Variants in NBAS observed in about 807,000 individuals in gnomAD.
NBAS encodes NAG/BC035112 fusion.
A neutral mutation model predicts 302.5 loss-of-function variants in NBAS; 219 were observed. The observed-to-expected ratio is 0.72, with a 90% CI of 0.65 to 0.81. The LOEUF is 0.81. Ranked by LOEUF, NBAS falls within the 30% of genes least tolerant of loss-of-function variation. The pLI, the probability that NBAS is intolerant of heterozygous loss-of-function variation, is 0.00. For synonymous variants in NBAS, 1,118 were observed against 1,021.6 expected (o/e 1.09, Z -1.80); for missense variants, 2,932 against 2,841.6 (o/e 1.03, Z -0.72).
the NBAS span, among the ~76,000 whole-genome samples, chr2:14,884,000 TA>T: frequency 4.7e-5 from 7 of 148,820 alleles, no homozygotes; most frequent in Admixed American, 3.3e-4. Flanking sequence ...TAAAGAAAAA[TA>T]AAAGAAAGAA....
At chr2:15,519,252 A>T (rs1445208353) in intron 9 of NBAS, among the ~76,000 whole-genome samples, 1 of 152,172 alleles carries the variant, frequency 6.6e-6, no homozygotes, top group Non-Finnish European at 1.5e-5. Context: ...TTGGAAATCA[A>T]TGTTCAGCAT....
At chr2:15,072,641 T>G in the NBAS span, among the ~76,000 whole-genome samples, 3 of 152,352 alleles carry the variant, frequency 2.0e-5, no homozygotes, top group South Asian at 6.2e-4. Context: ...CAGAAATATT[T>G]AAACAGTCTC....
At chr2:15,529,451 C>T (rs1162861159) in intron 9 of NBAS, among the ~76,000 whole-genome samples, 1 of 152,120 alleles carries the variant, frequency 6.6e-6, no homozygotes, top group Non-Finnish European at 1.5e-5. Flanking sequence ...CAAAATCACG[C>T]ACTGGACTCC....
chr2:15,239,018 A>G (rs1667735998), intron 44 of NBAS, among the ~76,000 whole-genome samples: 1 of 152,166 alleles, frequency 6.6e-6, no homozygotes, highest in African/African-American at 2.4e-5. Flanking sequence ...TTATTATAAG[A>G]AAAAAATTCC....
At chr2:15,226,470 G>A (rs2147909788) in intron 47 of NBAS, among the ~76,000 whole-genome samples, 1 of 152,154 alleles carries the variant, frequency 6.6e-6, no homozygotes, top group East Asian at 1.9e-4. Context: ...GAAATATGAT[G>A]TTATAAATAC....
rs555171530 is a variant in NBAS, at chr2:15,292,032, TG to T, written c.5027+504del. Among the ~76,000 whole-genome samples, 23 of 152,340 alleles carry T rather than the reference TG, an allele frequency of 1.5e-4. No individual in the cohort carries two copies. In the East Asian group the frequency reaches 4.4e-3, roughly 29 times the overall value. On this transcript the variant is annotated intron_variant, in intron 41 of 51. Transcript: ENST00000281513. The stretch of plus-strand genomic sequence containing the variant: ...TTGCCCAAGCTGGGGTGGAGTGCAG[TG>T]GCATGATCTCAGCTCACTGTGGCCT...
chr2:15,369,418 C>T (rs138030424), intron 31 of NBAS, among the ~76,000 whole-genome samples: 8 of 152,262 alleles, frequency 5.3e-5, no homozygotes, highest in East Asian at 1.9e-4. Flanking sequence ...TTGCCCTAAG[C>T]GATGCACACT....
intron 11 of NBAS, among the ~76,000 whole-genome samples, chr2:15,492,513 C>A (rs752066301): frequency 1.3e-5 from 2 of 152,114 alleles, no homozygotes; most frequent in Non-Finnish European, 2.9e-5. Flanking sequence ...CTGGAGTGCA[C>A]TGGCACGATC....
At chr2:15,435,044 C>G (rs1308618040) in intron 21 of NBAS, among the ~76,000 whole-genome samples, 1 of 152,176 alleles carries the variant, frequency 6.6e-6, no homozygotes, top group Admixed American at 6.5e-5. Flanking sequence ...CCAGAAAAAT[C>G]ACTTCCAGAA....
At chr2:15,509,173 A>G (rs1662020326) in intron 10 of NBAS, among the ~76,000 whole-genome samples, 1 of 152,220 alleles carries the variant, frequency 6.6e-6, no homozygotes, top group Non-Finnish European at 1.5e-5. Flanking sequence ...TGGGATAATC[A>G]TCATAGCATA....
the NBAS span, among the ~76,000 whole-genome samples, chr2:15,132,060 A>G: frequency 5.9e-5 from 9 of 152,200 alleles, no homozygotes; most frequent in African/African-American, 1.9e-4. Flanking sequence ...TATTCAAACT[A>G]TATCATCTTC....
At position 15,394,248 on chromosome 2, in the gene NBAS, A is replaced by T; in HGVS notation, c.3236T>A (p.Leu1079Ter). ...SEEARKLMVR[L>*]TRHTGRKQPP... Reference sequence around the variant, plus strand: ...TCACTTCCGGCCAGTGTGCCTCGTCAATCTAACCATCAGCTTGCGTGCCTC... The same window carrying T: ...TCACTTCCGGCCAGTGTGCCTCGTCTATCTAACCATCAGCTTGCGTGCCTC... The change falls in exon 28 of 52, where the codon TTG becomes TAG. Residue 1079 changes from leucine to a stop codon, truncating the protein, a stop_gained. Transcript: ENST00000281513. LOFTEE classifies it high-confidence loss of function. 6.2e-7 allele frequency: 1 copy of T among 1,611,334 alleles called. No individual in the cohort carries two copies.
intron 9 of NBAS, among the ~76,000 whole-genome samples, chr2:15,516,971 G>A (rs1041693821): frequency 2.0e-5 from 3 of 152,052 alleles, no homozygotes; most frequent in Non-Finnish European, 4.4e-5. Context: ...AACTACTAGC[G>A]AGATTGCAAA....
chr2:15,482,924 C>A (rs1040995662), intron 12 of NBAS, among the ~76,000 whole-genome samples: 1 of 152,076 alleles, frequency 6.6e-6, no homozygotes, highest in East Asian at 1.9e-4. Context: ...TCTCCCCACC[C>A]GACATATTCA....
At chr2:14,839,670 T>A in the NBAS span, among the ~76,000 whole-genome samples, 28 of 152,020 alleles carry the variant, frequency 1.8e-4, no homozygotes, top group Non-Finnish European at 2.9e-4. Context: ...GCACGTCAAT[T>A]CATTACTACA....
At chr2:15,087,663 C>A in the NBAS span, among the ~76,000 whole-genome samples, 3 of 152,306 alleles carry the variant, frequency 2.0e-5, no homozygotes, top group South Asian at 6.2e-4. Flanking sequence ...ACTGGCCAGG[C>A]CTGAGTGCCT....
chr2:15,444,959 C>T (rs1678646379), intron 21 of NBAS, among the ~76,000 whole-genome samples: 1 of 149,450 alleles, frequency 6.7e-6, no homozygotes, highest in Admixed American at 6.6e-5. Context: ...AATGAGATAC[C>T]ATCTCACACC....
chr2:15,171,357 T>C (rs1178494057), intron 51 of NBAS, among the ~76,000 whole-genome samples: 2 of 152,218 alleles, frequency 1.3e-5, no homozygotes, highest in African/African-American at 2.4e-5. Context: ...TAACTGTCCA[T>C]GTGCATAGAT....
In NBAS at chr2:15,558,617, T is replaced by A. The variant is rs750014411; in HGVS notation, c.135A>T (p.Lys45Asn). The part of the protein sequence containing the change: ...ETEVQPRGNQ[K>N]HGASFIITKA... ...TCGTGATGATAAAGGATGCACCATG[T>A]TTTTGGTTGCCTCTAGGCTGGAATT... The change falls in exon 2 of 52, where the codon AAA becomes AAT. Residue 45 changes from lysine to asparagine, a missense_variant. By Grantham distance (94) the Lys-to-Asn change is moderately conservative. Coordinates refer to ENST00000281513, the MANE Select transcript of NBAS (RefSeq NM_015909.4). 8 of 1,612,324 alleles carry A rather than the reference T, an allele frequency of 5.0e-6. No individual in the cohort carries two copies. The highest frequency in any genetic ancestry group is 1.7e-4 in the Middle Eastern group (1 of 6,054).
Sources: allele counts gnomAD v4.1 joint callset (sites outside exome capture counted in the v4.1 genomes callset), GRCh38; gene constraint gnomAD v4.1.1; transcripts MANE v1.5; gene names NCBI Gene and HGNC (gene_info 2026-07-23, HGNC 2026-07-21).